The following INVS variants were observed in gnomAD, a reference collection of about 807,000 sequenced individuals.
INVS encodes the protein inversin, also known as inversion of embryo turning homolog.
A neutral mutation model predicts 108.8 loss-of-function variants in INVS; 86 were observed. The ratio of observed to expected loss-of-function variants is 0.79; its 90% CI spans 0.66 to 0.95. The LOEUF (loss-of-function observed/expected upper bound fraction) is 0.95. Among genes scored for constraint, INVS ranks in the 40% least tolerant of loss-of-function variants. INVS has a pLI of 0.00. For missense variants in INVS, 1,169 were observed against 1,297.4 expected (o/e 0.90, Z 1.52); for synonymous variants, 455 against 473.5 (o/e 0.96, Z 0.51).
chr9:100,171,819 A>G (rs1829552355), intron 3 of INVS, among the ~76,000 whole-genome samples: 1 of 152,110 alleles, frequency 6.6e-6, no homozygotes, highest in Admixed American at 6.5e-5. Context: ...TCTGATGTAT[A>G]TCAAGTATAT....
chr9:100,120,674 C>T (rs931050297), intron 2 of INVS: 3 of 152,238 alleles, frequency 2.0e-5, no homozygotes, highest in African/African-American at 7.2e-5. Context: ...CAAACCATCT[C>T]TGATGTCCTG....
chr9:100,117,472 C>A, intron 2 of INVS: 1 of 783,214 alleles, frequency 1.3e-6, no homozygotes, highest in Non-Finnish European at 2.3e-6. Flanking sequence ...TATCCTCGGC[C>A]TTGCCTTCTC....
chr9:100,260,480 C>T (rs537359926), intron 10 of INVS, among the ~76,000 whole-genome samples: 56 of 152,220 alleles, frequency 3.7e-4, no homozygotes, highest in East Asian at 2.7e-3. Flanking sequence ...TGTGAGCCAC[C>T]GTGCCTGCCT....
At chr9:100,225,971 A>T (rs1209398410) in intron 3 of INVS, 91 bp from the exon 4 acceptor site, 20 of 852,564 alleles carry the variant, frequency 2.3e-5, no homozygotes, top group Non-Finnish European at 3.6e-5. Flanking sequence ...ACTCTAGGAG[A>T]ATAATTAACA....
At chr9:100,214,185 A>C (rs1190533813) in intron 3 of INVS, among the ~76,000 whole-genome samples, 1 of 152,204 alleles carries the variant, frequency 6.6e-6, no homozygotes, top group African/African-American at 2.4e-5. Flanking sequence ...ATCAACTGTG[A>C]ATAAGCCCCA....
At chr9:100,162,143 C>T (rs549957184) in intron 3 of INVS, among the ~76,000 whole-genome samples, 20 of 152,288 alleles carry the variant, frequency 1.3e-4, no homozygotes, top group African/African-American at 4.6e-4. Flanking sequence ...AACTAGAGTT[C>T]AGAAATGCAG....
chr9:100,223,030 T>A (rs1182794195), intron 3 of INVS, among the ~76,000 whole-genome samples: 1 of 152,008 alleles, frequency 6.6e-6, no homozygotes, highest in Non-Finnish European at 1.5e-5. Context: ...GAATTAAGAT[T>A]CTTAACTGTT....
intron 3 of INVS, among the ~76,000 whole-genome samples, chr9:100,127,796 T>A (rs949128659): frequency 5.9e-5 from 9 of 152,188 alleles, no homozygotes; most frequent in African/African-American, 1.7e-4. Context: ...AGTAATTTTT[T>A]TAAAAATCTC....
At chr9:100,258,032 C>A (rs1035481421) in intron 10 of INVS, among the ~76,000 whole-genome samples, 1 of 152,224 alleles carries the variant, frequency 6.6e-6, no homozygotes, top group Non-Finnish European at 1.5e-5. Flanking sequence ...CTTCCCGTCA[C>A]TTTCAGGTAC....
intron 3 of INVS, among the ~76,000 whole-genome samples, chr9:100,170,014 C>A (rs551129656): frequency 6.6e-6 from 1 of 152,114 alleles, no homozygotes; most frequent in Non-Finnish European, 1.5e-5. Flanking sequence ...TTTGAAAATT[C>A]TATGATTTTA....
At chr9:100,158,166 G>A (rs112618168) in intron 3 of INVS, among the ~76,000 whole-genome samples, 1 of 152,004 alleles carries the variant, frequency 6.6e-6, no homozygotes, top group African/African-American at 2.4e-5. Flanking sequence ...GATCTATCTT[G>A]TTTATATTCT....
At chr9:100,140,669 G>T (rs1188695826) in intron 3 of INVS, among the ~76,000 whole-genome samples, 1 of 152,074 alleles carries the variant, frequency 6.6e-6, no homozygotes, top group African/African-American at 2.4e-5. Context: ...TTTGGGGGAT[G>T]GTACGGAGAG....
At position 100,292,876 on chromosome 9, in the gene INVS, A is replaced by T; in HGVS notation, c.2619A>T (p.Val873=). 1 of 1,614,198 alleles carries T rather than the reference A, an allele frequency of 6.2e-7. No homozygotes were observed. The highest frequency in any genetic ancestry group is 2.2e-5 in the East Asian group (1 of 44,876). The change falls in exon 14 of 17, where the codon GTA becomes GTT. Residue 873 remains valine, a synonymous_variant. Transcript: ENST00000262457. ...CTACCCTGTCCGAGGACTTTCAGGT[A>T]TCTAAGGAGACTGATCCAGCACCTG... The part of the protein sequence containing the change: ...ETSTLSEDFQ[V]SKETDPAPGP...
intron 3 of INVS, among the ~76,000 whole-genome samples, chr9:100,152,737 A>G (rs559427609): frequency 1.3e-4 from 20 of 152,290 alleles, no homozygotes; most frequent in Admixed American, 1.2e-3. Flanking sequence ...ATAATAGTAA[A>G]ATTAACATTT....
chr9:100,227,910 T>G (rs1831381979), intron 4 of INVS, among the ~76,000 whole-genome samples: 1 of 152,138 alleles, frequency 6.6e-6, no homozygotes, highest in African/African-American at 2.4e-5. Context: ...TTTTAAAAAC[T>G]TTTGTCTTCC....
chr9:100,123,174 T>C (rs1827780480), intron 2 of INVS, among the ~76,000 whole-genome samples: 1 of 152,240 alleles, frequency 6.6e-6, no homozygotes, highest in Non-Finnish European at 1.5e-5. Context: ...TATTCAGTGT[T>C]GGACAAACGT....
At chr9:100,175,876 ATC>A (rs1377560164) in intron 3 of INVS, 6 of 615,120 alleles carry the variant, frequency 9.8e-6, no homozygotes, top group Non-Finnish European at 1.2e-5. Context: ...GTGGAGAGGA[ATC>A]TCTGCAAGTC....
rs997730275 is a variant in INVS at position 100,117,432 on chromosome 9, G to A, written c.107-8951G>A. 22 of 790,702 alleles carry A rather than the reference G, an allele frequency of 2.8e-5. No individual in the cohort carries two copies. The African/African-American group carries it at 2.9e-4, about 10-fold the overall frequency. 49.0% of individuals were successfully genotyped at this position (790,702 alleles called of 1,614,324 possible). On this transcript the variant is annotated intron_variant, in intron 2 of 16. Transcript: ENST00000262457. ...TTGATCTTCATGTCCTTGACCAAGC[G>A]GCCCAGCTTGGTGACGGGCATGCAC... is the stretch of plus-strand genomic sequence containing the variant.
intron 2 of INVS, among the ~76,000 whole-genome samples, chr9:100,121,317 G>A (rs1827721242): frequency 6.6e-6 from 1 of 152,140 alleles, no homozygotes; most frequent in Non-Finnish European, 1.5e-5. Context: ...TCATGGGAGT[G>A]ACATCATAGT....
Sources: allele counts gnomAD v4.1 joint callset (sites outside exome capture counted in the v4.1 genomes callset), GRCh38; gene constraint gnomAD v4.1.1; transcripts MANE v1.5; gene names NCBI Gene and HGNC (gene_info 2026-07-23, HGNC 2026-07-21).